COL4A3: variants seen among roughly 807,000 people sequenced by gnomAD.
COL4A3 encodes collagen alpha-3(IV) chain.
In COL4A3, 135 loss-of-function variants were observed where a neutral mutation model predicts 217.4. The ratio of observed to expected loss-of-function variants is 0.62; its 90% CI spans 0.54 to 0.72. The LOEUF (loss-of-function observed/expected upper bound fraction) is 0.72, where lower values mean the gene tolerates loss of function less well. Among genes scored for constraint, COL4A3 ranks in the 30% least tolerant of loss-of-function variants. The pLI, the probability that COL4A3 is intolerant of heterozygous loss-of-function variation, is 0.00. For missense variants in COL4A3, 1,868 were observed against 2,119.9 expected (o/e 0.88, Z 2.33); for synonymous variants, 690 against 736.3 (o/e 0.94, Z 1.02).
At chr2:227,186,910 C>G (rs2066054249) in intron 1 of COL4A3, among the ~76,000 whole-genome samples, 1 of 152,108 alleles carries the variant, frequency 6.6e-6, no homozygotes, top group Non-Finnish European at 1.5e-5. Flanking sequence ...TTTCCTGGTT[C>G]ATAGATAATA....
chr2:227,265,228 A>G (rs1056989181), intron 21 of COL4A3: 11 of 152,388 alleles, frequency 7.2e-5, no homozygotes, highest in African/African-American at 2.4e-4. Context: ...AAGTATTCAT[A>G]TAAGTCTACA....
Position 227,164,712 on chromosome 2 carries a change from G to T in COL4A3, c.-15G>T. On this transcript the variant is annotated 5_prime_UTR_variant, in exon 1 of 52. Coordinates refer to ENST00000396578, the MANE Select transcript of COL4A3 (RefSeq NM_000091.5). The surrounding 1 kb of genome is among the most constrained non-coding windows in gnomAD (Gnocchi z 4.8). ...GGGTCCCCGGACTCGCCCAGGCTCT[G>T]AGCGCGCGCCCACCATGAGCGCCCG... 1.3e-6 allele frequency: 2 copies of T among 1,530,578 alleles called. No homozygotes were observed. Among genetic ancestry groups the T allele is most frequent in the South Asian group, 2.4e-5 (2 of 83,790 alleles). 94.8% of individuals were successfully genotyped at this position (1,530,578 alleles called of 1,614,324 possible). A position where few individuals can be genotyped will look rare whatever the true frequency, so the allele number is the denominator to read the frequency against.
intron 11 of COL4A3, 39 bp downstream of exon 11, chr2:227,251,410 C>G: frequency 6.3e-7 from 1 of 1,599,558 alleles, no homozygotes; most frequent in Non-Finnish European, 8.6e-7. Flanking sequence ...CTAGCACACC[C>G]TACTCAATCT....
intron 1 of COL4A3, among the ~76,000 whole-genome samples, chr2:227,236,871 G>A (rs948390227): frequency 1.3e-5 from 2 of 152,100 alleles, no homozygotes; most frequent in African/African-American, 4.8e-5. Flanking sequence ...AGGTTGGCCA[G>A]GTTGGTCTCA....
intron 1 of COL4A3, among the ~76,000 whole-genome samples, chr2:227,188,294 A>G (rs909302908): frequency 6.6e-6 from 1 of 152,044 alleles, no homozygotes; most frequent in Non-Finnish European, 1.5e-5. Context: ...GAAAGTGGTA[A>G]CATTTGGACA....
At chr2:227,248,389 G>A in intron 8 of COL4A3, 54 bp from the exon 9 acceptor site, 1 of 1,066,072 alleles carries the variant, frequency 9.4e-7, no homozygotes, top group Non-Finnish European at 1.5e-6. Context: ...AGCACTTGAA[G>A]GGGTTTTGAA....
chr2:227,284,411 C>T (rs1439467792), intron 34 of COL4A3, 66 bp downstream of exon 34: 7 of 1,550,586 alleles, frequency 4.5e-6, no homozygotes, highest in Non-Finnish European at 6.1e-6. Context: ...ATTATCCAGG[C>T]AAATCCGTTT....
At chr2:227,264,795 T>A (rs1045625320) in intron 21 of COL4A3, 4 of 152,312 alleles carry the variant, frequency 2.6e-5, no homozygotes, top group African/African-American at 9.6e-5. Context: ...ACAGGGCTAA[T>A]GAAGCTAAAG....
intron 11 of COL4A3, among the ~76,000 whole-genome samples, chr2:227,252,606 ACACAC>A (rs1245819870): frequency 2.0e-5 from 3 of 151,842 alleles, no homozygotes; most frequent in Non-Finnish European, 4.4e-5. Context: ...ACACACACAC[ACACAC>A]ACACACACAC....
At chr2:227,297,638 G>A (rs940863991) in intron 41 of COL4A3, 36 bp from the exon 42 acceptor site, 41 of 1,580,122 alleles carry the variant, frequency 2.6e-5, no homozygotes, top group Admixed American at 9.1e-5. Context: ...AAGCATATGG[G>A]CATTAAAGAA....
chr2:227,183,557 T>C (rs1270842694), intron 1 of COL4A3, among the ~76,000 whole-genome samples: 1 of 152,068 alleles, frequency 6.6e-6, no homozygotes, highest in Non-Finnish European at 1.5e-5. Flanking sequence ...AGGTAGAAGA[T>C]TGACTCAAAC....
intron 1 of COL4A3, among the ~76,000 whole-genome samples, chr2:227,170,419 C>A (rs941476873): frequency 6.6e-6 from 1 of 152,038 alleles, no homozygotes; most frequent in African/African-American, 2.4e-5. Flanking sequence ...CACAGTTCTA[C>A]GTGGCTGGGG....
chr2:227,243,770 G>A (rs1473989358), intron 3 of COL4A3, among the ~76,000 whole-genome samples: 1 of 152,188 alleles, frequency 6.6e-6, no homozygotes, highest in Non-Finnish European at 1.5e-5. Context: ...CATGCCCAAA[G>A]CAAGTTTATC....
intron 37 of COL4A3, among the ~76,000 whole-genome samples, chr2:227,291,680 C>A (rs187056500): frequency 1.2e-4 from 18 of 151,924 alleles, no homozygotes; most frequent in African/African-American, 4.1e-4. Context: ...GAACAAAATC[C>A]TAAGATAGAT....
intron 28 of COL4A3, 65 bp from the exon 29 acceptor site, chr2:227,279,728 G>C: frequency 8.8e-7 from 1 of 1,130,790 alleles, no homozygotes; most frequent in South Asian, 1.4e-5. Context: ...AGATAAGAGA[G>C]TTACTGCTCA....
intron 51 of COL4A3, 90 bp downstream of exon 51, chr2:227,311,038 A>G: frequency 7.3e-7 from 1 of 1,376,468 alleles, no homozygotes; most frequent in Non-Finnish European, 1.0e-6. Context: ...AGTAGCCATG[A>G]TTTTGTACTA....
chr2:227,267,969 A>G (rs2071012737), intron 23 of COL4A3, among the ~76,000 whole-genome samples: 1 of 152,128 alleles, frequency 6.6e-6, no homozygotes, highest in Non-Finnish European at 1.5e-5. Context: ...AGAACTGCCT[A>G]TGGGCAAAAC....
chr2:227,227,100 G>A (rs946555689), intron 1 of COL4A3, among the ~76,000 whole-genome samples: 10 of 152,150 alleles, frequency 6.6e-5, no homozygotes, highest in African/African-American at 1.9e-4. Context: ...CTCATAGGCC[G>A]GATGGAAACA....
At chr2:227,177,875 A>G (rs2065736511) in intron 1 of COL4A3, among the ~76,000 whole-genome samples, 1 of 152,170 alleles carries the variant, frequency 6.6e-6, no homozygotes, top group Non-Finnish European at 1.5e-5. Flanking sequence ...GTGTTCAAAT[A>G]GCTCTTACTT....
Sources: gnomAD v4.1 joint callset for allele counts (sites outside exome capture counted in the v4.1 genomes callset) on GRCh38, gnomAD v4.1.1 for gene constraint, Gnocchi (gnomAD v3.1) non-coding constraint, MANE v1.5 for transcripts, NCBI Gene and HGNC (gene_info 2026-07-23, HGNC 2026-07-21) for gene names.